Variants in RPP30 observed in about 807,000 individuals in gnomAD.
The protein encoded by RPP30 is ribonuclease P protein subunit p30.
A neutral mutation model predicts 38.6 loss-of-function variants in RPP30; 36 were observed. The ratio of observed to expected loss-of-function variants is 0.93; its 90% CI spans 0.71 to 1.23. RPP30 has a LOEUF of 1.23. Ranked by LOEUF, RPP30 falls within the 50% of genes most tolerant of loss-of-function variation. The pLI is 0.00. For synonymous variants in RPP30, 126 were observed against 112.7 expected, an observed-to-expected ratio of 1.12 and a Z score of -0.75; for missense variants, 321 against 321.7, an observed-to-expected ratio of 1.00 and a Z score of 0.02.
chr10:90,880,603 G>C (rs921569834), intron 5 of RPP30, among the ~76,000 whole-genome samples: 3 of 151,968 alleles, frequency 2.0e-5, no homozygotes, highest in African/African-American at 7.2e-5. Flanking sequence ...TGGCACGCTC[G>C]CAGCTACTCG....
intron 6 of RPP30, among the ~76,000 whole-genome samples, chr10:90,886,562 A>C (rs766908523): frequency 1.6e-4 from 24 of 152,176 alleles, no homozygotes; most frequent in Middle Eastern, 3.2e-3. Flanking sequence ...ATCATAAGGT[A>C]ATATTATTTC....
Position 90,895,467 on chromosome 10 carries a change from C to G in RPP30, c.563C>G (p.Ser188Cys), listed in dbSNP as rs756932111. 7.7e-6 allele frequency: 11 copies of G among 1,422,318 alleles called. No homozygotes were observed. The East Asian group carries it at 2.4e-4, about 31-fold the overall frequency. The allele number at this position is 1,422,318 out of a possible 1,614,324, so 88.1% of individuals were successfully genotyped here. The change falls in exon 8 of 11, where the codon TCT (serine) becomes TGT (cysteine). Residue 188 changes from serine to cysteine, a missense_variant. By Grantham distance (112) the Ser-to-Cys change is moderately radical. Transcript: ENST00000371703. The stretch of plus-strand genomic sequence containing the variant: ...TCTATTTTGTAGAATGTAATTATAT[C>G]TAGTGCTGCAGAAAGGGTAAGTCTA... ...QICKGKNVII[S>C]SAAERPLEIR...
chr10:90,890,749 C>T (rs1847071299), intron 6 of RPP30, among the ~76,000 whole-genome samples: 1 of 151,824 alleles, frequency 6.6e-6, no homozygotes, highest in Admixed American at 6.6e-5. Context: ...AAAATTTTCA[C>T]TCATGTCATA....
At chr10:90,894,057 C>T (rs1331563012) in intron 6 of RPP30, among the ~76,000 whole-genome samples, 1 of 152,090 alleles carries the variant, frequency 6.6e-6, no homozygotes, top group Non-Finnish European at 1.5e-5. Flanking sequence ...GTGAGCTGGG[C>T]AAAATCTTCA....
chr10:90,882,728 C>T (rs938289300), intron 5 of RPP30, among the ~76,000 whole-genome samples: 1 of 152,152 alleles, frequency 6.6e-6, no homozygotes, highest in Non-Finnish European at 1.5e-5. Context: ...CTTTGGGAGG[C>T]CGAGGCAGGA....
At chr10:90,902,472 A>G (rs140841303), downstream of RPP30, 401 of 184,680 alleles carry the variant, frequency 2.2e-3, 3 homozygotes, top group African/African-American at 9.1e-3. Flanking sequence ...TGTCCGCCTC[A>G]GCATCCCAAA....
At position 90,896,334 on chromosome 10, in the gene RPP30, T is replaced by C. The variant is rs761246690; in HGVS notation, c.639T>C (p.Ser213=). 1.3e-5 allele frequency: 21 copies of C among 1,614,136 alleles called. No individual in the cohort carries two copies. In the East Asian group the frequency reaches 4.5e-4, roughly 34 times the overall value. ...VANLGLLFGL[S]ESDAKAAVST... ...CAAGAGGCTTGCTGTTTGGGCTCTC[T>C]GAAAGTGACGCCAAGGCTGCGGTGT... The change falls in exon 10 of 11, where the codon TCT becomes TCC. Residue 213 remains serine, a synonymous_variant. Coordinates refer to ENST00000371703, the MANE Select transcript of RPP30 (RefSeq NM_006413.5).
At chr10:90,881,780 G>A (rs1297567180) in intron 5 of RPP30, among the ~76,000 whole-genome samples, 2 of 152,144 alleles carry the variant, frequency 1.3e-5, no homozygotes, top group African/African-American at 4.8e-5. Flanking sequence ...TTGTTTGTAA[G>A]TTGATTATCT....
At chr10:90,886,475 A>G (rs545816548) in intron 6 of RPP30, among the ~76,000 whole-genome samples, 10 of 152,120 alleles carry the variant, frequency 6.6e-5, no homozygotes, top group Non-Finnish European at 1.5e-4. Flanking sequence ...CCTTCTACAT[A>G]GTTTTCTCTT....
rs1392419193 is a variant in RPP30 at position 90,901,858 on chromosome 10, C to T, written c.*1179C>T. The T allele has an allele frequency of 2.3e-6, 2 of 876,052 alleles. No individual in the cohort carries two copies. Among genetic ancestry groups the T allele is most frequent in the East Asian group, 1.2e-4 (1 of 8,208 alleles). 54.3% of individuals were successfully genotyped at this position (876,052 alleles called of 1,614,324 possible). ...TTTTTTGAGACAGTCTCGCTCTGTC[C>T]CCCAGGCTGGAGTGCAGTGGCTCGA... On this transcript the variant is annotated 3_prime_UTR_variant, in exon 11 of 11. Transcript: ENST00000371703.
At chr10:90,874,982 G>A in intron 2 of RPP30, 58 bp downstream of exon 2, 4 of 1,110,034 alleles carry the variant, frequency 3.6e-6, no homozygotes, top group Non-Finnish European at 3.9e-6. Context: ...AATTCTGTTT[G>A]TATTGGTAAT....
At chr10:90,872,752 C>G (rs945210895) in intron 1 of RPP30, among the ~76,000 whole-genome samples, 2 of 152,172 alleles carry the variant, frequency 1.3e-5, no homozygotes, top group South Asian at 4.1e-4. Context: ...TCCTCAGAGA[C>G]AGTTTTCAGC....
At chr10:90,880,369 G>T (rs563286495) in intron 5 of RPP30, among the ~76,000 whole-genome samples, 33 of 152,024 alleles carry the variant, frequency 2.2e-4, no homozygotes, top group African/African-American at 8.0e-4. Context: ...TATATTAACA[G>T]AGAAACAGCA....
chr10:90,901,009 C>A lies in RPP30; in HGVS notation c.*330C>A. ...TTTCATTTTGTTTTTGAGATAGGGT[C>A]TTTGTTGCTCAGGCTGGAGTACAGT... is the stretch of plus-strand genomic sequence containing the variant. On this transcript the variant is annotated 3_prime_UTR_variant, in exon 11 of 11. Transcript: ENST00000371703. 3 of 921,126 alleles carry A rather than the reference C, an allele frequency of 3.3e-6. No individual in the cohort carries two copies. The highest frequency in any genetic ancestry group is 3.9e-6 in the Non-Finnish European group (3 of 759,718). The allele number at this position is 921,126 out of a possible 1,614,324, so 57.1% of individuals were successfully genotyped here. A position where few individuals can be genotyped will look rare whatever the true frequency, so the allele number is the denominator to read the frequency against.
At chr10:90,884,077 C>T (rs1846967479) in intron 5 of RPP30, among the ~76,000 whole-genome samples, 2 of 152,102 alleles carry the variant, frequency 1.3e-5, no homozygotes, top group Admixed American at 6.5e-5. Context: ...TTGGCATATT[C>T]CATCATATAA....
chr10:90,893,868 C>T (rs1337708107), intron 6 of RPP30, among the ~76,000 whole-genome samples: 1 of 152,210 alleles, frequency 6.6e-6, no homozygotes, highest in African/African-American at 2.4e-5. Flanking sequence ...ACGTAGTGGG[C>T]TTAAAACATC....
At chr10:90,896,462 T>C in intron 10 of RPP30, 70 bp downstream of exon 10, 1 of 1,203,262 alleles carries the variant, frequency 8.3e-7, no homozygotes, top group Non-Finnish European at 1.2e-6. Context: ...GCCATACCTA[T>C]TTTTATTGCC....
intron 9 of RPP30, 37 bp downstream of exon 9, chr10:90,895,954 T>G: frequency 2.0e-6 from 3 of 1,526,454 alleles, no homozygotes; most frequent in Non-Finnish European, 1.8e-6. Context: ...TGACATTGTC[T>G]TTCAGGAAAT....
chr10:90,887,134 A>AT (rs1190999450), intron 6 of RPP30, among the ~76,000 whole-genome samples: 2 of 151,764 alleles, frequency 1.3e-5, no homozygotes, highest in East Asian at 3.9e-4. Context: ...CACCTGGCTA[A>AT]TTTTTTTATG....
Sources: gnomAD v4.1 joint callset for allele counts (sites outside exome capture counted in the v4.1 genomes callset) on GRCh38, gnomAD v4.1.1 for gene constraint, MANE v1.5 for transcripts, NCBI Gene and HGNC (gene_info 2026-07-23, HGNC 2026-07-21) for gene names.